Variants in ADAMTS15 observed in about 807,000 individuals in gnomAD.
ADAMTS15 encodes the protein ADAM metallopeptidase with thrombospondin type 1 motif 15.
A neutral mutation model predicts 79.1 loss-of-function variants in ADAMTS15; 35 were observed. That is an observed-to-expected ratio of 0.44 (90% CI 0.34 to 0.59). The LOEUF is 0.59. ADAMTS15 is among the 20% of genes least tolerant of loss of function. The pLI is 0.02. For missense variants in ADAMTS15, 1,324 were observed against 1,318.7 expected (o/e 1.00, Z -0.06); for synonymous variants, 616 against 567.3 (o/e 1.09, Z -1.22).
At chr11:130,463,075 G>C (rs1207699112) in intron 4 of ADAMTS15, among the ~76,000 whole-genome samples, 1 of 152,224 alleles carries the variant, frequency 6.6e-6, no homozygotes, top group Non-Finnish European at 1.5e-5. Context: ...TCCGGGCCTC[G>C]TCCTACCTGG....
At chr11:130,458,752 C>A (rs1938140330) in intron 1 of ADAMTS15, among the ~76,000 whole-genome samples, 1 of 152,196 alleles carries the variant, frequency 6.6e-6, no homozygotes, top group South Asian at 2.1e-4. Flanking sequence ...CTCCCTCTTA[C>A]ACAGGGAGCA....
In ADAMTS15 at chr11:130,449,731, A is replaced by G; in HGVS notation, c.758A>G (p.Tyr253Cys). ...CTGCTGGCAACGGCGGCGCGACTCTACCGCCATCCCAGCATCCTCAACCCC... is the reference window on the plus strand; with the variant it reads ...CTGCTGGCAACGGCGGCGCGACTCTGCCGCCATCCCAGCATCCTCAACCCC... ...LTLLATAARLYRHPSILNPIN... is the reference protein window; with the variant it reads ...LTLLATAARLCRHPSILNPIN... The change falls in exon 1 of 8, where the codon TAC becomes TGC. Residue 253 changes from tyrosine (Y) to cysteine (C), a missense_variant. Tyr to Cys is a radical substitution (Grantham distance 194). Coordinates refer to ENST00000299164, the MANE Select transcript of ADAMTS15 (RefSeq NM_139055.4). This position sits in a 1 kb window ranked among gnomAD's most constrained non-coding sequence, Gnocchi z 7.8. 1 of 1,612,506 alleles carries G rather than the reference A, an allele frequency of 6.2e-7. No individual in the cohort carries two copies. The highest frequency in any genetic ancestry group is 1.3e-5 in the African/African-American group (1 of 75,028).
In ADAMTS15 at chr11:130,450,126, T is replaced by A. The variant is rs564818935; in HGVS notation, c.957+196T>A. 19 of 985,494 alleles carry A rather than the reference T, an allele frequency of 1.9e-5. No individual in the cohort carries two copies. In the East Asian group the frequency reaches 1.8e-3, roughly 94 times the overall value. 61.0% of individuals were successfully genotyped at this position (985,494 alleles called of 1,614,324 possible). On this transcript the variant is annotated intron_variant, in intron 1 of 7. Transcript: ENST00000299164. ...CGCGGAGCGGCGGCTCACGTGCATC[T>A]GGGCCATTGGAGGAGAGCCTGCGCT...
Position 130,448,948 on chromosome 11 carries a change from A to T in ADAMTS15, c.-26A>T. The T allele has an allele frequency of 1.4e-6, 2 of 1,474,972 alleles. No individual in the cohort carries two copies. The highest frequency in any genetic ancestry group is 3.0e-5 in the South Asian group (2 of 65,666). The allele number at this position is 1,474,972 out of a possible 1,614,324, so 91.4% of individuals were successfully genotyped here. ...AGAGCCCGGCCCAGCCCCTTCCCACAGCGCGGCGGTGCGCTGCCCGGCGCC... is the reference window on the plus strand; with the variant it reads ...AGAGCCCGGCCCAGCCCCTTCCCACTGCGCGGCGGTGCGCTGCCCGGCGCC... On this transcript the variant is annotated 5_prime_UTR_variant, in exon 1 of 8. Coordinates refer to ENST00000299164, the MANE Select transcript of ADAMTS15 (RefSeq NM_139055.4).
chr11:130,461,614 C>G lies in ADAMTS15; in HGVS notation c.1083C>G (p.His361Gln), dbSNP rs192559172. 1 of 1,614,118 alleles carries G rather than the reference C, an allele frequency of 6.2e-7. No homozygotes were observed. Among genetic ancestry groups the G allele is most frequent in the East Asian group, 2.2e-5 (1 of 44,866 alleles). The change falls in exon 2 of 8, where the codon CAC becomes CAG. Residue 361 changes from histidine (H) to glutamine (Q), a missense_variant. Coordinates refer to ENST00000299164, the MANE Select transcript of ADAMTS15 (RefSeq NM_139055.4). The stretch of plus-strand genomic sequence containing the variant: ...TTCCATCAGCCTTCACCACTGCCCA[C>G]GAGCTGGGTAAGGCTGGATAAGCTC... Reference protein sequence around the residue: ...DGLPSAFTTAHELGHVFNMPH... With the variant: ...DGLPSAFTTAQELGHVFNMPH...
chr11:130,462,775 C>T lies in ADAMTS15; in HGVS notation c.1537C>T (p.His513Tyr). 1 of 1,588,176 alleles carries T rather than the reference C, an allele frequency of 6.3e-7. No homozygotes were observed. The highest frequency in any genetic ancestry group is 8.6e-7 in the Non-Finnish European group (1 of 1,160,716). ...ACVERHNLNK[H>Y]RVDGSWAKWD... Reference sequence around the variant, plus strand: ...CGTGGAGAGACACAACCTCAACAAGCACAGGGTGAGTGAGTGCTGGAGCTG... The same window carrying T: ...CGTGGAGAGACACAACCTCAACAAGTACAGGGTGAGTGAGTGCTGGAGCTG... The change falls in exon 4 of 8, where the codon CAC becomes TAC. Residue 513 changes from histidine (H) to tyrosine (Y), a missense_variant. Physicochemically the swap from His to Tyr is moderately conservative, Grantham distance 83. Transcript: ENST00000299164. This position sits in a 1 kb window ranked among gnomAD's most constrained non-coding sequence, Gnocchi z 4.3.
chr11:130,464,152 G>A lies in ADAMTS15; in HGVS notation c.1542+1372G>A, dbSNP rs75497522. Among the ~76,000 whole-genome samples, 278 of 152,302 alleles carry A rather than the reference G, an allele frequency of 1.8e-3. 2 individuals are homozygous for A. Among genetic ancestry groups the A allele is most frequent in the African/African-American group, 6.6e-3 (273 of 41,548 alleles). The stretch of plus-strand genomic sequence containing the variant: ...CCACCTTGATTGCCAGGCACTAGAA[G>A]GTCCTGAGGACAGGCAATATGTGGC... On this transcript the variant is annotated intron_variant, in intron 4 of 7. Coordinates refer to ENST00000299164, the MANE Select transcript of ADAMTS15 (RefSeq NM_139055.4).
rs1332436964 is a variant in ADAMTS15, at chr11:130,473,487, C to T, written c.2519C>T (p.Pro840Leu). 1 of 1,611,106 alleles carries T rather than the reference C, an allele frequency of 6.2e-7. No individual in the cohort carries two copies. Among genetic ancestry groups the T allele is most frequent in the South Asian group, 1.1e-5 (1 of 91,054 alleles). Residue 840 changes from proline to leucine, a missense_variant, in exon 8 of 8, where the codon CCT becomes CTT. Transcript: ENST00000299164. ...NQVEQPDDRP[P>L]ARWVAGSWGP... ...GTGGAGCAGCCGGACGACAGGCCCCCTGCACGCTGGGTGGCTGGCAGCTGG... is the reference window on the plus strand; with the variant it reads ...GTGGAGCAGCCGGACGACAGGCCCCTTGCACGCTGGGTGGCTGGCAGCTGG...
At position 130,474,323 on chromosome 11, in the gene ADAMTS15, G is replaced by A. The variant is rs1235750998; in HGVS notation, c.*502G>A. The A allele has an allele frequency of 1.3e-5, 2 of 153,840 alleles. No individual in the cohort carries two copies. Among genetic ancestry groups the A allele is most frequent in the East Asian group, 3.8e-4 (2 of 5,208 alleles). 9.5% of individuals were successfully genotyped at this position (153,840 alleles called of 1,614,324 possible). A position where few individuals can be genotyped will look rare whatever the true frequency, so the allele number is the denominator to read the frequency against. On this transcript the variant is annotated 3_prime_UTR_variant, in exon 8 of 8. Transcript: ENST00000299164. ...TGACATGGACTAAGCAATAAAAGCTGGCTGGGGCTGGGCAGAAGCCACGGG... is the reference window on the plus strand; with the variant it reads ...TGACATGGACTAAGCAATAAAAGCTAGCTGGGGCTGGGCAGAAGCCACGGG...
At position 130,449,124 on chromosome 11, in the gene ADAMTS15, C is replaced by T; in HGVS notation, c.151C>T (p.Gln51Ter). Residue 51 changes from glutamine (Q) to a stop codon, truncating the protein, a stop_gained, in exon 1 of 8, where the codon CAG becomes TAG. Transcript: ENST00000299164. LOFTEE classifies it high-confidence loss of function. This position sits in a 1 kb window ranked among gnomAD's most constrained non-coding sequence, Gnocchi z 7.8. ...GCGGGGTCCCGAGGACTCCGGGGAT[C>T]AGGGACTCATTTTTCAGATCACAGC... ...YWRGPEDSGD[Q>*]GLIFQITAFQ... is the part of the protein sequence containing the mutation. The T allele has an allele frequency of 1.9e-6, 3 of 1,593,550 alleles. No homozygotes were observed. The highest frequency in any genetic ancestry group is 2.6e-6 in the Non-Finnish European group (3 of 1,166,474).
Position 130,470,178 on chromosome 11 carries a change from ATAT to A in ADAMTS15, c.1720+740_1721-739del, listed in dbSNP as rs1565397793. On this transcript the variant is annotated intron_variant, in intron 5 of 7. Coordinates refer to ENST00000299164, the MANE Select transcript of ADAMTS15 (RefSeq NM_139055.4). The stretch of plus-strand genomic sequence containing the variant: ...TGTATATATATATATATATATATAT[ATAT>A]GTGTGTATATATATATATATATATA... 7.0e-4 allele frequency among the ~76,000 whole-genome samples: 36 copies of A among 51,578 alleles called. 5 individuals are homozygous for A. The highest frequency in any genetic ancestry group is 4.0e-3 in the African/African-American group (34 of 8,450). 33.8% of individuals were successfully genotyped at this position (51,578 alleles called of 152,430 possible).
rs76534097 is a variant in ADAMTS15, at chr11:130,462,834, C to T, written c.1542+54C>T. 1.1e-3 allele frequency: 1,706 copies of T among 1,535,300 alleles called. 34 individuals are homozygous for T. The East Asian group carries it at 0.027, about 24-fold the overall frequency. On this transcript the variant is annotated intron_variant, in intron 4 of 7. Transcript: ENST00000299164. The surrounding 1 kb of genome is among the most constrained non-coding windows in gnomAD (Gnocchi z 4.3). Reference sequence around the variant, plus strand: ...GACTGCTGGGAGGAGGGATGGAGACCCGGGGGCCTCGTCTGCCCTTGGTCT... The same window carrying T: ...GACTGCTGGGAGGAGGGATGGAGACTCGGGGGCCTCGTCTGCCCTTGGTCT...
At chr11:130,461,341 A>G in intron 1 of ADAMTS15, 148 bp from the exon 2 acceptor site, 1 of 1,149,974 alleles carries the variant, frequency 8.7e-7, no homozygotes, top group Non-Finnish European at 1.2e-6. Context: ...CCTCCTAGGA[A>G]GAAGAGCCCA....
chr11:130,474,020 GCA>G lies in ADAMTS15; in HGVS notation c.*202_*203del, dbSNP rs1427501075. ...GGCAGAGGGAAGCCCAGGAACTCCC[GCA>G]CAGTCTACCTCAGGCCCCGCTCCTC... On this transcript the variant is annotated 3_prime_UTR_variant, in exon 8 of 8. Transcript: ENST00000299164. 1 of 742,658 alleles carries G rather than the reference GCA, an allele frequency of 1.3e-6. No homozygotes were observed. 46.0% of individuals were successfully genotyped at this position (742,658 alleles called of 1,614,324 possible). A position where few individuals can be genotyped will look rare whatever the true frequency, so the allele number is the denominator to read the frequency against.
At chr11:130,451,718 G>A (rs1031709175) in intron 1 of ADAMTS15, among the ~76,000 whole-genome samples, 17 of 152,238 alleles carry the variant, frequency 1.1e-4, no homozygotes, top group African/African-American at 4.1e-4. Flanking sequence ...GGTGGTGAAG[G>A]CTGGCTTCTG....
At chr11:130,461,957 T>G (rs1301395549) in intron 2 of ADAMTS15, 130 bp from the exon 3 acceptor site, 4 of 1,082,286 alleles carry the variant, frequency 3.7e-6, no homozygotes, top group Middle Eastern at 2.1e-4. Flanking sequence ...TTGAAAGCAG[T>G]CTGTCGATAG....
intron 1 of ADAMTS15, chr11:130,450,354 T>G (rs991552958): frequency 1.0e-6 from 1 of 985,348 alleles, no homozygotes; most frequent in South Asian, 4.7e-5. Context: ...CCTCCTGAGG[T>G]CTCCTTTCAA....
At chr11:130,465,963 C>T (rs1938292045) in intron 4 of ADAMTS15, among the ~76,000 whole-genome samples, 1 of 151,980 alleles carries the variant, frequency 6.6e-6, no homozygotes, top group African/African-American at 2.4e-5. Flanking sequence ...ACCTCCACCT[C>T]CCGGGTTCAA....
At chr11:130,469,177 G>A in intron 4 of ADAMTS15, 85 bp from the exon 5 acceptor site, 1 of 1,215,780 alleles carries the variant, frequency 8.2e-7, no homozygotes. Context: ...GAACTTGGAG[G>A]CTGTACAGTG....
Sources: gnomAD v4.1 joint callset for allele counts (sites outside exome capture counted in the v4.1 genomes callset) on GRCh38, gnomAD v4.1.1 for gene constraint, Gnocchi (gnomAD v3.1) non-coding constraint, MANE v1.5 for transcripts, NCBI Gene and HGNC (gene_info 2026-07-23, HGNC 2026-07-21) for gene names.